Variants in SLC39A11 observed in about 807,000 individuals in gnomAD.
The protein encoded by SLC39A11 is zinc transporter ZIP11.
SLC39A11 carries 33 observed loss-of-function variants against 36.1 expected under a neutral mutation model. That is an observed-to-expected ratio of 0.91 (90% confidence interval 0.69 to 1.22). The LOEUF is 1.22. SLC39A11 is among the 50% of genes most tolerant of loss of function. The pLI is 0.00. For missense variants in SLC39A11, 432 were observed against 430.3 expected (o/e 1.00, Z -0.03); for synonymous variants, 166 against 170.3 (o/e 0.97, Z 0.20).
Position 72,773,679 on chromosome 17 carries a change from C to CACACACACACACA in SLC39A11, c.602-36961_602-36960insTGTGTGTGTGTGT, listed in dbSNP as rs57105900. On this transcript the variant is annotated intron_variant, in intron 6 of 9. Transcript: ENST00000255559. ...CACACACACACACACACACACACACCCAGTATATAAAGGATATCAGTGTCA... is the reference window on the plus strand; with the variant it reads ...CACACACACACACACACACACACACCACACACACACACACAGTATATAAAGGATATCAGTGTCA... 7.9e-3 allele frequency among the ~76,000 whole-genome samples: 1,151 copies of CACACACACACACA among 145,802 alleles called. 20 individuals carry two copies. The highest frequency in any genetic ancestry group is 0.023 in the African/African-American group (878 of 39,014).
intron 4 of SLC39A11, among the ~76,000 whole-genome samples, chr17:73,022,510 G>A (rs557848065): frequency 2.1e-5 from 3 of 144,312 alleles, no homozygotes; most frequent in Admixed American, 7.3e-5. Context: ...CAGGAGAATC[G>A]CTTGAACCTG....
chr17:72,649,610 C>A (rs2069749495), intron 7 of SLC39A11, among the ~76,000 whole-genome samples: 1 of 151,792 alleles, frequency 6.6e-6, no homozygotes, highest in Non-Finnish European at 1.5e-5. Context: ...ATTTTACTTT[C>A]TACGCCTCTG....
intron 4 of SLC39A11, among the ~76,000 whole-genome samples, chr17:73,030,785 G>A (rs2058712888): frequency 6.6e-6 from 1 of 152,144 alleles, no homozygotes; most frequent in Non-Finnish European, 1.5e-5. Context: ...CAGGGCTTTA[G>A]CCAATGGCTT....
intron 6 of SLC39A11, among the ~76,000 whole-genome samples, chr17:72,833,239 G>A (rs2078364204): frequency 7.2e-6 from 1 of 138,866 alleles, no homozygotes; most frequent in South Asian, 2.4e-4. Flanking sequence ...ACACAGGAAT[G>A]AAATCACTTG....
chr17:73,089,401 C>A (rs925890747), intron 1 of SLC39A11, among the ~76,000 whole-genome samples: 2 of 152,202 alleles, frequency 1.3e-5, no homozygotes, highest in African/African-American at 2.4e-5. Context: ...AAGCCCCAGA[C>A]AATCCTGCCT....
chr17:72,900,338 G>C (rs1210004120), intron 5 of SLC39A11, among the ~76,000 whole-genome samples: 1 of 152,092 alleles, frequency 6.6e-6, no homozygotes, highest in East Asian at 1.9e-4. Context: ...AACAAGTCGT[G>C]GGGGTATCTG....
intron 3 of SLC39A11, among the ~76,000 whole-genome samples, chr17:73,048,171 A>G (rs2143802691): frequency 6.6e-6 from 1 of 151,602 alleles, no homozygotes; most frequent in East Asian, 1.9e-4. Context: ...GTACTTTTCC[A>G]AACCACATCC....
intron 3 of SLC39A11, among the ~76,000 whole-genome samples, chr17:73,032,626 C>A (rs1217928285): frequency 6.6e-6 from 1 of 152,216 alleles, no homozygotes; most frequent in Non-Finnish European, 1.5e-5. Context: ...GAGCTGAAAT[C>A]TGTCTCCTTT....
chr17:73,003,527 T>C (rs1184435075), intron 4 of SLC39A11, among the ~76,000 whole-genome samples: 1 of 151,974 alleles, frequency 6.6e-6, no homozygotes, highest in Admixed American at 6.6e-5. Context: ...ATGAGACTGG[T>C]GCCTGTTTCA....
chr17:73,039,449 C>T (rs887708710), intron 3 of SLC39A11, among the ~76,000 whole-genome samples: 4 of 152,310 alleles, frequency 2.6e-5, no homozygotes, highest in Non-Finnish European at 4.4e-5. Context: ...CTGGACAGAG[C>T]GACTATTCAA....
rs139701536 is a variant in SLC39A11 at position 73,058,364 on chromosome 17, T to C, written c.147+26444A>G. On this transcript the variant is annotated intron_variant, in intron 3 of 9. Transcript: ENST00000255559. ...GCAGAGTAAATGCGGAAAAGATAGA[T>C]AGGTCCTTGGAAGAATGGATGATGG... Among the ~76,000 whole-genome samples the C allele has an allele frequency of 2.1e-3, 319 of 152,242 alleles. 1 individual carries two copies. Among genetic ancestry groups the C allele is most frequent in the African/African-American group, 7.3e-3 (303 of 41,550 alleles).
At chr17:72,922,976 A>C (rs954006846) in intron 5 of SLC39A11, among the ~76,000 whole-genome samples, 26 of 148,748 alleles carry the variant, frequency 1.7e-4, no homozygotes, top group African/African-American at 5.2e-4. Flanking sequence ...AAAAAAAAAA[A>C]AAAAAAAAAA....
chr17:73,013,285 A>G (rs893661366), intron 4 of SLC39A11, among the ~76,000 whole-genome samples: 2 of 145,410 alleles, frequency 1.4e-5, no homozygotes, highest in Non-Finnish European at 3.0e-5. Flanking sequence ...ATGAGGTTTC[A>G]CCATATTGGT....
At chr17:72,715,166 G>A (rs1195804714) in intron 7 of SLC39A11, among the ~76,000 whole-genome samples, 2 of 152,194 alleles carry the variant, frequency 1.3e-5, no homozygotes, top group African/African-American at 4.8e-5. Flanking sequence ...GCCCGCGAGA[G>A]GCTCTCTCCT....
At chr17:72,873,141 C>T (rs760908413) in intron 5 of SLC39A11, among the ~76,000 whole-genome samples, 1 of 151,724 alleles carries the variant, frequency 6.6e-6, no homozygotes, top group Non-Finnish European at 1.5e-5. Context: ...TCCCCAGTTG[C>T]TCCTATTCTT....
intron 6 of SLC39A11, among the ~76,000 whole-genome samples, chr17:72,755,556 A>G (rs1195202973): frequency 6.6e-6 from 1 of 152,266 alleles, no homozygotes; most frequent in African/African-American, 2.4e-5. Context: ...AATCTCATAA[A>G]TCACTGCAAA....
At chr17:73,003,095 G>GC (rs1274412831) in intron 4 of SLC39A11, among the ~76,000 whole-genome samples, 1 of 152,194 alleles carries the variant, frequency 6.6e-6, no homozygotes, top group Non-Finnish European at 1.5e-5. Flanking sequence ...ATCTCTGATG[G>GC]CCCTTATTCA....
At chr17:73,011,803 G>A (rs1395822032) in intron 4 of SLC39A11, among the ~76,000 whole-genome samples, 47 of 150,560 alleles carry the variant, frequency 3.1e-4, no homozygotes, top group Non-Finnish European at 5.5e-4. Context: ...CTGGAACTAC[G>A]GGCACCCACC....
rs377023011 is a variant in SLC39A11 at position 72,953,342 on chromosome 17, TAGAG to T, written c.307-5471_307-5468del. On this transcript the variant is annotated intron_variant, in intron 4 of 9. Coordinates refer to ENST00000255559, the MANE Select transcript of SLC39A11 (RefSeq NM_139177.4). ...CTTTCCAGAACAAAAAGAGAGGAAA[TAGAG>T]AGAAAAAGAAAGAAAGATGATGAAA... is the stretch of plus-strand genomic sequence containing the variant. Among the ~76,000 whole-genome samples, 89 of 150,708 alleles carry T rather than the reference TAGAG, an allele frequency of 5.9e-4. 1 individual carries two copies. The East Asian group carries it at 0.015, about 25-fold the overall frequency.
Sources: gnomAD v4.1 joint callset for allele counts (sites outside exome capture counted in the v4.1 genomes callset) on GRCh38, gnomAD v4.1.1 for gene constraint, MANE v1.5 for transcripts, NCBI Gene and HGNC (gene_info 2026-07-23, HGNC 2026-07-21) for gene names.